Variants in MLLT1 observed in about 807,000 individuals in gnomAD.
MLLT1 encodes the protein protein ENL.
MLLT1 carries 11 observed loss-of-function variants against 55.1 expected under a neutral mutation model. The observed-to-expected ratio is 0.20, with a 90% CI of 0.13 to 0.33. The LOEUF (loss-of-function observed/expected upper bound fraction) is 0.33, where lower values mean the gene tolerates loss of function less well. MLLT1 is among the 10% of genes least tolerant of loss of function. The probability of loss-of-function intolerance (pLI) is 1.00; values close to 1 mark genes in which losing one functional copy is unlikely to be tolerated. For synonymous variants in MLLT1, 323 were observed against 320.1 expected (o/e 1.01, Z -0.10); for missense variants, 536 against 760.6 (o/e 0.70, Z 3.47).
chr19:6,232,663 G>GCAAATGCAGAGA (rs1336032411), intron 3 of MLLT1, among the ~76,000 whole-genome samples: 2 of 152,354 alleles, frequency 1.3e-5, no homozygotes, highest in African/African-American at 4.8e-5. Flanking sequence ...GGAGGCTGAG[G>GCAAATGCAGAGA]CAAATGCAGA....
rs1288165080 is a variant in MLLT1 at position 6,219,656 on chromosome 19, G to A, written c.1111-1615C>T. On this transcript the variant is annotated intron_variant, in intron 6 of 11. Coordinates refer to ENST00000252674, the MANE Select transcript of MLLT1 (RefSeq NM_005934.4). The surrounding 1 kb of genome is among the most constrained non-coding windows in gnomAD (Gnocchi z 4.5). ...TGGAATCCCTGGGGCAGAGGGGTGG[G>A]CACCAACCTGGAGGGAGGTGGACTG... Among the ~76,000 whole-genome samples, 1 of 152,220 alleles carries A rather than the reference G, an allele frequency of 6.6e-6. No individual in the cohort carries two copies. Among genetic ancestry groups the A allele is most frequent in the African/African-American group, 2.4e-5 (1 of 41,440 alleles).
At position 6,222,603 on chromosome 19, in the gene MLLT1, C is replaced by T. The variant is rs773931555; in HGVS notation, c.628G>A (p.Glu210Lys). The change falls in exon 6 of 12, where the codon GAG becomes AAG. Residue 210 changes from glutamate (E) to lysine (K), a missense_variant. Physicochemically the swap from Glu to Lys is moderately conservative, Grantham distance 56. Around this residue, in one of 3 missense-constraint regions of MLLT1, gnomAD observed 449 missense variants for 489.0 expected, o/e 0.92. Transcript: ENST00000252674. The surrounding 1 kb of genome is among the most constrained non-coding windows in gnomAD (Gnocchi z 4.1). ...AGCTCCTTGGAGGAGCTCTTGCTCT[C>T]GGAGTCTTTGCGGGGCCGCTCCCGG... ...EHRERPRKDS[E>K]SKSSSKELER... is the part of the protein sequence containing the mutation. The T allele has an allele frequency of 2.5e-6, 4 of 1,597,634 alleles. No individual in the cohort carries two copies. The highest frequency in any genetic ancestry group is 3.4e-6 in the Non-Finnish European group (4 of 1,177,822).
intron 8 of MLLT1, 98 bp from the exon 9 acceptor site, chr19:6,214,136 T>G (rs1600167734): frequency 6.7e-6 from 4 of 597,744 alleles, no homozygotes; most frequent in Non-Finnish European, 9.7e-6. Flanking sequence ...AGTCGGTGCC[T>G]GAGCCCACAC....
chr19:6,248,914 T>C (rs1343635795), intron 3 of MLLT1, among the ~76,000 whole-genome samples: 1 of 152,150 alleles, frequency 6.6e-6, no homozygotes, highest in Non-Finnish European at 1.5e-5. Flanking sequence ...TGTCTAAAAT[T>C]ATTTCCAAAT....
rs2090960299 is a variant in MLLT1, at chr19:6,226,732, G to C, written c.546+245C>G. Among the ~76,000 whole-genome samples the C allele has an allele frequency of 6.6e-6, 1 of 152,178 alleles. No individual in the cohort carries two copies. Among genetic ancestry groups the C allele is most frequent in the South Asian group, 2.1e-4 (1 of 4,836 alleles). ...TGCCATCACTTGGCAGAACGGGAGAGGACTAGGCAGGGTCTCTGGCCTCAA... is the reference window on the plus strand; with the variant it reads ...TGCCATCACTTGGCAGAACGGGAGACGACTAGGCAGGGTCTCTGGCCTCAA... On this transcript the variant is annotated intron_variant, in intron 5 of 11. Transcript: ENST00000252674. The surrounding 1 kb of genome is among the most constrained non-coding windows in gnomAD (Gnocchi z 6.3).
At position 6,235,087 on chromosome 19, in the gene MLLT1, G is replaced by A. The variant is rs1274479968; in HGVS notation, c.277-4374C>T. Among the ~76,000 whole-genome samples the A allele has an allele frequency of 6.6e-6, 1 of 152,208 alleles. No individual in the cohort carries two copies. Among genetic ancestry groups the A allele is most frequent in the Non-Finnish European group, 1.5e-5 (1 of 68,034 alleles). Reference sequence around the variant, plus strand: ...TTTACACATGAAATGAGGATGTCTGGGATTTGCTCCAGAATGACCAGGAGG... The same window carrying A: ...TTTACACATGAAATGAGGATGTCTGAGATTTGCTCCAGAATGACCAGGAGG... On this transcript the variant is annotated intron_variant, in intron 3 of 11. Transcript: ENST00000252674. The surrounding 1 kb of genome is among the most constrained non-coding windows in gnomAD (Gnocchi z 5.5).
At chr19:6,266,141 T>TG (rs1477054835) in intron 2 of MLLT1, among the ~76,000 whole-genome samples, 1 of 150,360 alleles carries the variant, frequency 6.7e-6, no homozygotes, top group Non-Finnish European at 1.5e-5. Context: ...TAGCTGGGTA[T>TG]GGTGGCGGGC....
Position 6,270,155 on chromosome 19 carries a change from GGGAAGACAC to G in MLLT1, c.193+415_193+423del, listed in dbSNP as rs1195207972. The stretch of plus-strand genomic sequence containing the variant: ...TGACGGCCTGAGGCTTGAAGGGAGA[GGGAAGACAC>G]GGAAAAGACAGTGGTGACATGAGCT... On this transcript the variant is annotated intron_variant, in intron 2 of 11. Transcript: ENST00000252674. This position sits in a 1 kb window ranked among gnomAD's most constrained non-coding sequence, Gnocchi z 7.1. Among the ~76,000 whole-genome samples the G allele has an allele frequency of 1.3e-5, 2 of 152,136 alleles. No homozygotes were observed. Among genetic ancestry groups the G allele is most frequent in the African/African-American group, 4.8e-5 (2 of 41,422 alleles).
Position 6,210,876 on chromosome 19 carries a change from G to A in MLLT1, c.*2166C>T. 1 of 230,534 alleles carries A rather than the reference G, an allele frequency of 4.3e-6. No homozygotes were observed. The highest frequency in any genetic ancestry group is 6.1e-5 in the East Asian group (1 of 16,264). 14.3% of individuals were successfully genotyped at this position (230,534 alleles called of 1,614,324 possible). A position where few individuals can be genotyped will look rare whatever the true frequency, so the allele number is the denominator to read the frequency against. On this transcript the variant is annotated 3_prime_UTR_variant, in exon 12 of 12. Coordinates refer to ENST00000252674, the MANE Select transcript of MLLT1 (RefSeq NM_005934.4). The surrounding 1 kb of genome is among the most constrained non-coding windows in gnomAD (Gnocchi z 4.6). The stretch of plus-strand genomic sequence containing the variant: ...GGTCACGGAGCCAGCCCTGGGCCCA[G>A]AGCAGCTCTGGAGGACAACGTGAGG...
In MLLT1 at chr19:6,262,293, A is replaced by AG; in HGVS notation, c.210dup (p.Tyr71LeufsTer101). The AG allele has an allele frequency of 6.2e-7, 1 of 1,613,742 alleles. No individual in the cohort carries two copies. On this transcript the variant is annotated frameshift_variant, in exon 3 of 12. Coordinates refer to ENST00000252674, the MANE Select transcript of MLLT1 (RefSeq NM_005934.4). LOFTEE classifies it high-confidence loss of function. This position sits in a 1 kb window ranked among gnomAD's most constrained non-coding sequence, Gnocchi z 4.4. ...GCGTACCCCGACTCCTCTACTTTGT[A>AG]GGGGGGCTCCTTGCACACTAAAAAG...
chr19:6,269,840 G>A (rs1395915981), intron 2 of MLLT1, among the ~76,000 whole-genome samples: 1 of 152,136 alleles, frequency 6.6e-6, no homozygotes. Context: ...AGCATTTATC[G>A]AACCCCTGTG....
rs1340479623 is a variant in MLLT1 at position 6,213,045 on chromosome 19, T to C, written c.1677A>G (p.Thr559=). ...KLQSCLEAVA[T] is the part of the protein sequence containing the mutation. ...GGGCCCGGCACGCGGCCCAGGGTCA[T>C]GTGGCCACGGCCTCCAGGCAGCTCT... is the stretch of plus-strand genomic sequence containing the variant. The change falls in exon 12 of 12, where the codon ACA becomes ACG. Residue 559 remains threonine (T), a synonymous_variant. Coordinates refer to ENST00000252674, the MANE Select transcript of MLLT1 (RefSeq NM_005934.4). 5 of 1,613,340 alleles carry C rather than the reference T, an allele frequency of 3.1e-6. No individual in the cohort carries two copies. In the Admixed American group the frequency reaches 5.0e-5, roughly 16 times the overall value.
intron 7 of MLLT1, chr19:6,216,800 T>G: frequency 4.8e-6 from 2 of 419,982 alleles, no homozygotes; most frequent in Non-Finnish European, 4.3e-6. Flanking sequence ...GCCCCTCCAT[T>G]GCTGCAGCCG....
Position 6,254,623 on chromosome 19 carries a change from A to G in MLLT1, c.276+7605T>C, listed in dbSNP as rs550155267. ...TGTCTGTGGAGAACTGGAGAACTGT[A>G]ATGTCTGGGAAACCCACACAGTTGG... On this transcript the variant is annotated intron_variant, in intron 3 of 11. Coordinates refer to ENST00000252674, the MANE Select transcript of MLLT1 (RefSeq NM_005934.4). Among the ~76,000 whole-genome samples, 18 of 152,316 alleles carry G rather than the reference A, an allele frequency of 1.2e-4. 1 individual carries two copies. The highest frequency in any genetic ancestry group is 3.8e-4 in the African/African-American group (16 of 41,564).
chr19:6,265,650 A>G (rs1174385752), intron 2 of MLLT1, among the ~76,000 whole-genome samples: 1 of 151,166 alleles, frequency 6.6e-6, no homozygotes, highest in Non-Finnish European at 1.5e-5. Flanking sequence ...AGCCTGGGCA[A>G]CAAGAGTGAA....
chr19:6,224,129 G>T (rs1354536496), intron 5 of MLLT1, among the ~76,000 whole-genome samples: 3 of 152,228 alleles, frequency 2.0e-5, no homozygotes, highest in African/African-American at 7.2e-5. Context: ...AAAAACCACA[G>T]GGCAGACACA....
rs991926508 is a variant in MLLT1, at chr19:6,270,184, T to A, written c.193+395A>T. Among the ~76,000 whole-genome samples, 2 of 150,358 alleles carry A rather than the reference T, an allele frequency of 1.3e-5. No homozygotes were observed. Among genetic ancestry groups the A allele is most frequent in the Non-Finnish European group, 3.0e-5 (2 of 67,432 alleles). On this transcript the variant is annotated intron_variant, in intron 2 of 11. Transcript: ENST00000252674. The surrounding 1 kb of genome is among the most constrained non-coding windows in gnomAD (Gnocchi z 7.1). ...AGACACGGAAAAGACAGTGGTGACA[T>A]GAGCTCCGGCATTCTTTCTGCCCCA...
intron 3 of MLLT1, among the ~76,000 whole-genome samples, chr19:6,255,084 G>A (rs1378539774): frequency 6.6e-6 from 1 of 152,072 alleles, no homozygotes; most frequent in Non-Finnish European, 1.5e-5. Context: ...CAGAGAGGAG[G>A]TCTACAGGAA....
rs1199967536 is a variant in MLLT1 at position 6,211,747 on chromosome 19, C to A, written c.*1295G>T. ...CCAGGCAGGCCTCCAGCCCCTGGGA[C>A]CCCCAGCCACGATGGGCTGGCTCCG... On this transcript the variant is annotated 3_prime_UTR_variant, in exon 12 of 12. Transcript: ENST00000252674. The surrounding 1 kb of genome is among the most constrained non-coding windows in gnomAD (Gnocchi z 4.6). 29 of 1,063,618 alleles carry A rather than the reference C, an allele frequency of 2.7e-5. No homozygotes were observed. The highest frequency in any genetic ancestry group is 5.0e-5 in the East Asian group (1 of 19,976). The allele number at this position is 1,063,618 out of a possible 1,614,324, so 65.9% of individuals were successfully genotyped here. A position where few individuals can be genotyped will look rare whatever the true frequency, so the allele number is the denominator to read the frequency against.
Sources: allele counts gnomAD v4.1 joint callset (sites outside exome capture counted in the v4.1 genomes callset), GRCh38; gene constraint gnomAD v4.1.1; regional missense constraint gnomAD v4.1.1; non-coding constraint Gnocchi (gnomAD v3.1); transcripts MANE v1.5; gene names NCBI Gene and HGNC (gene_info 2026-07-23, HGNC 2026-07-21).